NOVA1: variants seen among roughly 807,000 people sequenced by gnomAD.
NOVA1 encodes RNA-binding protein Nova-1.
NOVA1 carries 7 observed loss-of-function variants against 38.0 expected under a neutral mutation model. The observed-to-expected ratio is 0.18, with a 90% CI of 0.10 to 0.35. NOVA1 has a LOEUF of 0.35. Among genes scored for constraint, NOVA1 ranks in the 10% least tolerant of loss-of-function variants. The pLI, the probability that NOVA1 is intolerant of heterozygous loss-of-function variation, is 1.00. For missense variants in NOVA1, 460 were observed against 616.0 expected (o/e 0.75, Z 2.68); for synonymous variants, 270 against 232.5 (o/e 1.16, Z -1.47).
intron 2 of NOVA1, among the ~76,000 whole-genome samples, chr14:26,591,036 C>G (rs995636248): frequency 1.3e-5 from 2 of 151,680 alleles, no homozygotes; most frequent in Non-Finnish European, 3.0e-5. Flanking sequence ...TCTGCATACA[C>G]AAGATACGAA....
intron 3 of NOVA1, among the ~76,000 whole-genome samples, chr14:26,474,747 T>C (rs978781150): frequency 6.6e-6 from 1 of 151,936 alleles, no homozygotes; most frequent in African/African-American, 2.4e-5. Context: ...TTATGTAAGT[T>C]TGGGTTTCAA....
At chr14:26,509,870 G>C (rs1887922427) in intron 2 of NOVA1, among the ~76,000 whole-genome samples, 1 of 152,128 alleles carries the variant, frequency 6.6e-6, no homozygotes, top group Non-Finnish European at 1.5e-5. Flanking sequence ...AGTAGAGATG[G>C]GGTTTCACCA....
intron 2 of NOVA1, among the ~76,000 whole-genome samples, chr14:26,539,207 G>C (rs544998317): frequency 6.6e-6 from 1 of 152,150 alleles, no homozygotes; most frequent in African/African-American, 2.4e-5. Flanking sequence ...ACAGTGCCGG[G>C]TACACAGTAT....
At chr14:26,567,242 T>C (rs1406345086) in intron 2 of NOVA1, among the ~76,000 whole-genome samples, 3 of 151,816 alleles carry the variant, frequency 2.0e-5, no homozygotes, top group South Asian at 4.1e-4. Context: ...GAAAAATTTA[T>C]AGTTTCTGTT....
intron 2 of NOVA1, among the ~76,000 whole-genome samples, chr14:26,590,211 C>T (rs1193481094): frequency 6.6e-6 from 1 of 151,914 alleles, no homozygotes; most frequent in African/African-American, 2.4e-5. Context: ...CTGCAGGCTG[C>T]AATGATGAGT....
chr14:26,475,601 A>T (rs1247697492), intron 3 of NOVA1, among the ~76,000 whole-genome samples: 1 of 152,210 alleles, frequency 6.6e-6, no homozygotes, highest in African/African-American at 2.4e-5. Context: ...CAAACGGAAA[A>T]GCATAATATA....
intron 2 of NOVA1, among the ~76,000 whole-genome samples, chr14:26,552,640 AGTG>A (rs1891231154): frequency 6.6e-6 from 1 of 152,018 alleles, no homozygotes; most frequent in Non-Finnish European, 1.5e-5. Flanking sequence ...CACTGAGTAA[AGTG>A]GTGAACAAAG....
rs963881497 is a variant in NOVA1, at chr14:26,586,636, T to C, written c.280+8774A>G. ...ATGTAGAAGTATAGCTAAGGAATGATGAAAGCAAGAAAGAAAAAAAGTACA... is the reference window on the plus strand; with the variant it reads ...ATGTAGAAGTATAGCTAAGGAATGACGAAAGCAAGAAAGAAAAAAAGTACA... On this transcript the variant is annotated intron_variant, in intron 2 of 4. Transcript: ENST00000539517. 1.2e-4 allele frequency among the ~76,000 whole-genome samples: 18 copies of C among 150,974 alleles called. 1 individual carries two copies. In the Admixed American group the frequency reaches 1.2e-3, roughly 10 times the overall value.
At chr14:26,530,379 T>C (rs1406118000) in intron 2 of NOVA1, among the ~76,000 whole-genome samples, 2 of 152,186 alleles carry the variant, frequency 1.3e-5, no homozygotes, top group African/African-American at 4.8e-5. Context: ...CCCGGAAAGA[T>C]TTATCAAACA....
intron 4 of NOVA1, 118 bp downstream of exon 4, chr14:26,472,198 TCTGA>T (rs1445770082): frequency 1.6e-6 from 1 of 638,676 alleles, no homozygotes; most frequent in African/African-American, 1.8e-5. Context: ...TTATTTGGAA[TCTGA>T]CTATGGTGCA....
chr14:26,570,942 A>G (rs1044823657), intron 2 of NOVA1, among the ~76,000 whole-genome samples: 3 of 151,994 alleles, frequency 2.0e-5, no homozygotes, highest in African/African-American at 2.4e-5. Context: ...AATAGGTCTA[A>G]GAAAAGTATT....
chr14:26,546,348 G>C (rs761246483), intron 2 of NOVA1, among the ~76,000 whole-genome samples: 1 of 151,850 alleles, frequency 6.6e-6, no homozygotes, highest in African/African-American at 2.4e-5. Context: ...AAGGTGTTTC[G>C]TCTCTCTAAC....
chr14:26,560,634 T>C (rs1034438039), intron 2 of NOVA1, among the ~76,000 whole-genome samples: 2 of 152,102 alleles, frequency 1.3e-5, no homozygotes, highest in Non-Finnish European at 1.5e-5. Context: ...TGTAAGGAAA[T>C]CTCATCCCTG....
intron 4 of NOVA1, among the ~76,000 whole-genome samples, chr14:26,449,959 T>C (rs1355446225): frequency 6.6e-6 from 1 of 152,154 alleles, no homozygotes; most frequent in African/African-American, 2.4e-5. Context: ...TATGACATTT[T>C]CTATCATCCC....
chr14:26,559,686 C>T (rs185279795), intron 2 of NOVA1, among the ~76,000 whole-genome samples: 1 of 152,122 alleles, frequency 6.6e-6, no homozygotes, highest in Admixed American at 6.5e-5. Flanking sequence ...GAGCTACAAC[C>T]GTGGATCTCA....
intron 2 of NOVA1, among the ~76,000 whole-genome samples, chr14:26,539,205 G>A (rs1056668795): frequency 2.0e-5 from 3 of 152,126 alleles, no homozygotes; most frequent in Non-Finnish European, 4.4e-5. Flanking sequence ...GGACAGTGCC[G>A]GGTACACAGT....
chr14:26,576,768 A>C (rs1339485848), intron 2 of NOVA1, among the ~76,000 whole-genome samples: 1 of 151,836 alleles, frequency 6.6e-6, no homozygotes, highest in Non-Finnish European at 1.5e-5. Flanking sequence ...TATATACTTA[A>C]GGTGTAAAAC....
chr14:26,508,901 G>A (rs1887846362), intron 2 of NOVA1, among the ~76,000 whole-genome samples: 1 of 151,576 alleles, frequency 6.6e-6, no homozygotes, highest in African/African-American at 2.4e-5. Flanking sequence ...ATATATGAAA[G>A]ATGAATAGAT....
In NOVA1 at chr14:26,495,694, T is replaced by C. The variant is rs572039023; in HGVS notation, c.281-15551A>G. On this transcript the variant is annotated intron_variant, in intron 2 of 4. Coordinates refer to ENST00000539517, the MANE Select transcript of NOVA1 (RefSeq NM_002515.3). ...CCAGAGTGTGACGTTCCCCTTCCTG[T>C]GTCCATGTATTCTCATTGTTCAACT... Among the ~76,000 whole-genome samples, 3 of 145,772 alleles carry C rather than the reference T, an allele frequency of 2.1e-5. No homozygotes were observed. The East Asian group carries it at 6.4e-4, about 31-fold the overall frequency.
Sources: gnomAD v4.1 joint callset for allele counts (sites outside exome capture counted in the v4.1 genomes callset) on GRCh38, gnomAD v4.1.1 for gene constraint, MANE v1.5 for transcripts, NCBI Gene and HGNC (gene_info 2026-07-23, HGNC 2026-07-21) for gene names.